Variants in RFX3 observed in about 807,000 individuals in gnomAD.
The protein encoded by RFX3 is regulatory factor X3.
A neutral mutation model predicts 98.6 loss-of-function variants in RFX3; 14 were observed. The ratio of observed to expected loss-of-function variants is 0.14; its 90% confidence interval spans 0.09 to 0.22. The LOEUF (loss-of-function observed/expected upper bound fraction) is 0.22, where lower values mean the gene tolerates loss of function less well. RFX3 is among the 10% of genes least tolerant of loss of function. RFX3 has a pLI of 1.00. For synonymous variants in RFX3, 383 were observed against 328.4 expected, an observed-to-expected ratio of 1.17 and a Z score of -1.80; for missense variants, 639 against 926.9, an observed-to-expected ratio of 0.69 and a Z score of 4.03.
At chr9:3,233,757 G>C (rs898854901) in intron 15 of RFX3, among the ~76,000 whole-genome samples, 6 of 152,294 alleles carry the variant, frequency 3.9e-5, no homozygotes, top group Non-Finnish European at 1.5e-5. Context: ...AAGCAAATCT[G>C]TAACAAGTTC....
chr9:3,448,834 TA>T (rs1846296349), intron 1 of RFX3, among the ~76,000 whole-genome samples: 1 of 152,188 alleles, frequency 6.6e-6, no homozygotes, highest in South Asian at 2.1e-4. Flanking sequence ...CCCACATTTT[TA>T]AACTGCAATA....
At chr9:3,383,567 C>G (rs1488327808) in intron 2 of RFX3, among the ~76,000 whole-genome samples, 1 of 151,724 alleles carries the variant, frequency 6.6e-6, no homozygotes, top group Admixed American at 6.6e-5. Flanking sequence ...ATGGCTAAAG[C>G]AAGGTATATT....
intron 1 of RFX3, among the ~76,000 whole-genome samples, chr9:3,503,044 C>G (rs1816215806): frequency 6.6e-6 from 1 of 152,130 alleles, no homozygotes; most frequent in African/African-American, 2.4e-5. Flanking sequence ...GTCTCTTATA[C>G]CTCACATATC....
intron 4 of RFX3, among the ~76,000 whole-genome samples, chr9:3,315,273 T>C (rs1830454280): frequency 7.1e-6 from 1 of 140,284 alleles, no homozygotes; most frequent in Non-Finnish European, 1.5e-5. Context: ...CCTGAATGAC[T>C]ACTGGGTACA....
chr9:3,291,122 T>C (rs1827272354), intron 6 of RFX3, among the ~76,000 whole-genome samples: 2 of 152,176 alleles, frequency 1.3e-5, no homozygotes, highest in African/African-American at 4.8e-5. Context: ...ACCAGCACTC[T>C]GGGAGGCTGA....
chr9:3,249,234 TGTTTC>T (rs1033498519), intron 14 of RFX3, among the ~76,000 whole-genome samples: 3 of 152,180 alleles, frequency 2.0e-5, no homozygotes, highest in Admixed American at 2.0e-4. Context: ...TTTTGTTTTC[TGTTTC>T]ATTTTTCAAC....
chr9:3,276,648 A>C (rs1357203093), intron 8 of RFX3, among the ~76,000 whole-genome samples: 4 of 152,030 alleles, frequency 2.6e-5, no homozygotes, highest in Non-Finnish European at 5.9e-5. Flanking sequence ...TCTTTGTCAG[A>C]AAGTGCACAT....
At chr9:3,260,149 G>A (rs955379366) in intron 13 of RFX3, among the ~76,000 whole-genome samples, 1 of 152,060 alleles carries the variant, frequency 6.6e-6, no homozygotes, top group African/African-American at 2.4e-5. Context: ...TAAAATGTAG[G>A]GGGAAATGAA....
At chr9:3,505,253 A>T (rs1414142038) in intron 1 of RFX3, among the ~76,000 whole-genome samples, 1 of 71,714 alleles carries the variant, frequency 1.4e-5, no homozygotes, top group African/African-American at 1.0e-4. Flanking sequence ...TATATATATG[A>T]ATATATATTT....
At chr9:3,225,341 A>G in intron 16 of RFX3, 61 bp from the exon 17 acceptor site, 1 of 1,588,950 alleles carries the variant, frequency 6.3e-7, no homozygotes, top group Non-Finnish European at 8.5e-7. Context: ...AGCAATCAAC[A>G]GGTGCTTTAG....
chr9:3,388,830 C>G (rs1279734239), intron 2 of RFX3, among the ~76,000 whole-genome samples: 2 of 151,918 alleles, frequency 1.3e-5, no homozygotes, highest in African/African-American at 2.4e-5. Flanking sequence ...TCCCTGAACC[C>G]CAGGGCTCCA....
chr9:3,321,918 C>A (rs1831367006), intron 4 of RFX3, among the ~76,000 whole-genome samples: 1 of 152,060 alleles, frequency 6.6e-6, no homozygotes, highest in African/African-American at 2.4e-5. Flanking sequence ...ACAGGCAATG[C>A]CTCCTTTAAT....
chr9:3,433,650 A>G (rs942282861), intron 1 of RFX3, among the ~76,000 whole-genome samples: 4 of 152,202 alleles, frequency 2.6e-5, no homozygotes, highest in African/African-American at 7.2e-5. Context: ...ATTGTAGATT[A>G]CAGGCTAAAA....
At chr9:3,231,795 G>T (rs1175506088) in intron 15 of RFX3, among the ~76,000 whole-genome samples, 1 of 152,110 alleles carries the variant, frequency 6.6e-6, no homozygotes, top group African/African-American at 2.4e-5. Flanking sequence ...CAGGCATGGT[G>T]GCTCAAACCT....
intron 1 of RFX3, among the ~76,000 whole-genome samples, chr9:3,422,467 A>G (rs997454133): frequency 2.2e-4 from 34 of 151,922 alleles, no homozygotes; most frequent in African/African-American, 8.0e-4. Context: ...CCAACCTTAC[A>G]AGATTATTTT....
intron 2 of RFX3, among the ~76,000 whole-genome samples, chr9:3,391,784 T>C (rs1382431864): frequency 6.6e-6 from 1 of 152,194 alleles, no homozygotes; most frequent in East Asian, 1.9e-4. Flanking sequence ...TAAAATGTGA[T>C]TCTACTTAAG....
chr9:3,268,955 C>G (rs1376210701), intron 11 of RFX3, among the ~76,000 whole-genome samples: 1 of 151,868 alleles, frequency 6.6e-6, no homozygotes, highest in Non-Finnish European at 1.5e-5. Context: ...CTACCCTATG[C>G]AACTTCTTAT....
chr9:3,389,780 C>G (rs1187270766), intron 2 of RFX3, among the ~76,000 whole-genome samples: 3 of 151,960 alleles, frequency 2.0e-5, no homozygotes, highest in South Asian at 2.1e-4. Flanking sequence ...GGTCCCACCC[C>G]CAAGATCTCT....
intron 4 of RFX3, among the ~76,000 whole-genome samples, chr9:3,302,773 T>C (rs1828818724): frequency 6.6e-6 from 1 of 151,806 alleles, no homozygotes; most frequent in South Asian, 2.1e-4. Context: ...TTCTCCCAAG[T>C]TTCCAATTTC....
Sources: gnomAD v4.1 joint callset for allele counts (sites outside exome capture counted in the v4.1 genomes callset) on GRCh38, gnomAD v4.1.1 for gene constraint, MANE v1.5 for transcripts, NCBI Gene and HGNC (gene_info 2026-07-23, HGNC 2026-07-21) for gene names.